The following MAML3 variants were observed in gnomAD, a reference collection of about 807,000 sequenced individuals.
MAML3 encodes mastermind-like protein 3.
MAML3 carries 27 observed loss-of-function variants against 101.9 expected under a neutral mutation model. The observed-to-expected ratio is 0.27, with a 90% CI of 0.20 to 0.37. MAML3 has a LOEUF of 0.37. Ranked by LOEUF, MAML3 falls within the 10% of genes least tolerant of loss-of-function variation. The probability of loss-of-function intolerance (pLI) is 1.00; values close to 1 mark genes in which losing one functional copy is unlikely to be tolerated. For synonymous variants in MAML3, 501 were observed against 555.9 expected, an observed-to-expected ratio of 0.90 and a Z score of 1.39; for missense variants, 1,316 against 1,444.9, an observed-to-expected ratio of 0.91 and a Z score of 1.45.
chr4:139,730,334 G>A, intron 3 of MAML3, 82 bp downstream of exon 3: 1 of 1,245,816 alleles, frequency 8.0e-7, no homozygotes. Flanking sequence ...GATGTGAACT[G>A]CCACTTCCTC....
At chr4:139,855,490 T>C (rs1731641200) in intron 2 of MAML3, among the ~76,000 whole-genome samples, 1 of 152,264 alleles carries the variant, frequency 6.6e-6, no homozygotes, top group South Asian at 2.1e-4. Context: ...AGATTTATCA[T>C]CCTAGTGGCA....
intron 1 of MAML3, among the ~76,000 whole-genome samples, chr4:140,007,213 T>C (rs1408275161): frequency 6.6e-6 from 1 of 152,128 alleles, no homozygotes; most frequent in Non-Finnish European, 1.5e-5. Context: ...AAAAGTAAGA[T>C]CTAAAAGAGA....
At chr4:139,877,438 T>G (rs1414128208) in intron 2 of MAML3, among the ~76,000 whole-genome samples, 1 of 152,188 alleles carries the variant, frequency 6.6e-6, no homozygotes, top group Non-Finnish European at 1.5e-5. Context: ...TGGAACTGTT[T>G]AAAGTGTGCT....
chr4:140,108,107 C>A (rs1275991491), intron 1 of MAML3, among the ~76,000 whole-genome samples: 1 of 151,948 alleles, frequency 6.6e-6, no homozygotes, highest in East Asian at 1.9e-4. Context: ...CTTTATATAC[C>A]TTTCCCCATC....
intron 1 of MAML3, among the ~76,000 whole-genome samples, chr4:140,152,581 T>C (rs764272575): frequency 6.6e-6 from 1 of 151,720 alleles, no homozygotes; most frequent in Non-Finnish European, 1.5e-5. Flanking sequence ...AGCACCTCAC[T>C]CCGACGCTCC....
intron 2 of MAML3, among the ~76,000 whole-genome samples, chr4:139,792,902 G>A (rs1214293277): frequency 6.6e-6 from 1 of 151,868 alleles, no homozygotes; most frequent in Non-Finnish European, 1.5e-5. Context: ...CCACCACCAG[G>A]CCAGGCTAAT....
At chr4:140,145,068 T>C (rs1433754080) in intron 1 of MAML3, among the ~76,000 whole-genome samples, 1 of 152,224 alleles carries the variant, frequency 6.6e-6, no homozygotes, top group Non-Finnish European at 1.5e-5. Context: ...CCAGGTTGAA[T>C]CTACACAAAT....
intron 1 of MAML3, among the ~76,000 whole-genome samples, chr4:140,132,183 G>A (rs887842452): frequency 9.9e-5 from 15 of 152,238 alleles, no homozygotes; most frequent in Non-Finnish European, 1.5e-4. Context: ...ATACAGAAAA[G>A]GAGGAGAGGC....
intron 2 of MAML3, among the ~76,000 whole-genome samples, chr4:139,779,702 G>A (rs1335822397): frequency 3.9e-5 from 6 of 152,204 alleles, no homozygotes; most frequent in Non-Finnish European, 8.8e-5. Context: ...AATAATCAGC[G>A]GAGGGGTGAG....
intron 1 of MAML3, among the ~76,000 whole-genome samples, chr4:140,076,385 G>A (rs1323751252): frequency 6.6e-6 from 1 of 152,126 alleles, no homozygotes; most frequent in East Asian, 1.9e-4. Flanking sequence ...GAGCAATAAA[G>A]CTCAGGCAAA....
At chr4:139,866,792 A>G (rs57463601) in intron 2 of MAML3, among the ~76,000 whole-genome samples, 2,195 of 152,284 alleles carry the variant, frequency 0.014, 59 homozygotes, top group African/African-American at 0.05. Flanking sequence ...TGTACAATTC[A>G]AGGTCAGAGA....
chr4:139,932,254 T>TTC (rs924898088), intron 1 of MAML3, among the ~76,000 whole-genome samples: 12 of 152,014 alleles, frequency 7.9e-5, no homozygotes, highest in African/African-American at 2.2e-4. Flanking sequence ...TCTTGATTTT[T>TTC]TTTTTGATAT....
chr4:139,823,603 T>A (rs566967507), intron 2 of MAML3, among the ~76,000 whole-genome samples: 35 of 152,172 alleles, frequency 2.3e-4, no homozygotes, highest in African/African-American at 6.3e-4. Flanking sequence ...ATTAGACACA[T>A]CAGCAGCGTC....
Position 139,730,645 on chromosome 4 carries a change from G to T in MAML3, c.2102C>A (p.Pro701His), listed in dbSNP as rs775901250. 2 of 1,612,742 alleles carry T rather than the reference G, an allele frequency of 1.2e-6. No individual in the cohort carries two copies. Among genetic ancestry groups the T allele is most frequent in the African/African-American group, 1.3e-5 (1 of 74,918 alleles). The change falls in exon 3 of 5, where the codon CCC (proline) becomes CAC (histidine). Residue 701 changes from proline to histidine, a missense_variant. Pro to His is a moderately conservative substitution (Grantham distance 77, BLOSUM62 -2). Coordinates refer to ENST00000509479, the MANE Select transcript of MAML3 (RefSeq NM_018717.5). The stretch of plus-strand genomic sequence containing the variant: ...GGACTGCATGGGGCCTGTGGTTCGG[G>T]GAAGTCCAACTGGATGCTGCTCCTG... ...HGQEQHPVGLPRTTGPMQSSV... is the reference protein window; with the variant it reads ...HGQEQHPVGLHRTTGPMQSSV...
intron 2 of MAML3, among the ~76,000 whole-genome samples, chr4:139,753,852 A>G (rs1729585319): frequency 6.6e-6 from 1 of 152,200 alleles, no homozygotes. Context: ...CTGGCCCTCA[A>G]GGAACTCCTA....
chr4:140,136,118 G>A (rs914225615), intron 1 of MAML3, among the ~76,000 whole-genome samples: 8 of 152,270 alleles, frequency 5.3e-5, no homozygotes, highest in African/African-American at 1.9e-4. Context: ...CAATTTATAG[G>A]GAAATCCAAA....
intron 1 of MAML3, among the ~76,000 whole-genome samples, chr4:139,978,560 CCTCA>C (rs2110804810): frequency 6.7e-6 from 1 of 148,696 alleles, no homozygotes; most frequent in Admixed American, 6.9e-5. Flanking sequence ...GGCAGTTGAC[CCTCA>C]CTATGTCTTC....
chr4:139,847,185 G>A lies in MAML3; in HGVS notation c.2079+42172C>T, dbSNP rs577208357. ...CTCTTTCCTCCATTATTCACATTGTGTATCTATATTGTGTAAAAAACAAAA... is the reference window on the plus strand; with the variant it reads ...CTCTTTCCTCCATTATTCACATTGTATATCTATATTGTGTAAAAAACAAAA... On this transcript the variant is annotated intron_variant, in intron 2 of 4. Coordinates refer to ENST00000509479, the MANE Select transcript of MAML3 (RefSeq NM_018717.5). Among the ~76,000 whole-genome samples, 46 of 151,896 alleles carry A rather than the reference G, an allele frequency of 3.0e-4. 1 individual carries two copies. Among genetic ancestry groups the A allele is most frequent in the African/African-American group, 1.1e-3 (46 of 41,408 alleles).
chr4:139,877,063 T>C (rs368699009), intron 2 of MAML3, among the ~76,000 whole-genome samples: 1 of 152,236 alleles, frequency 6.6e-6, no homozygotes, highest in East Asian at 1.9e-4. Flanking sequence ...GAAATCATGA[T>C]ATTAATAAAT....
Sources: gnomAD v4.1 joint callset for allele counts (sites outside exome capture counted in the v4.1 genomes callset) on GRCh38, gnomAD v4.1.1 for gene constraint, MANE v1.5 for transcripts, NCBI Gene and HGNC (gene_info 2026-07-23, HGNC 2026-07-21) for gene names.